The following VRK1 variants were observed in gnomAD, a reference collection of about 807,000 sequenced individuals.
VRK1 encodes the protein VRK serine/threonine kinase 1, also known as serine/threonine-protein kinase VRK1.
Under a neutral mutation model 57.1 loss-of-function variants are expected in VRK1, and 33 were observed. That is an observed-to-expected ratio of 0.58 (90% CI 0.44 to 0.77). The LOEUF is 0.77. Among genes scored for constraint, VRK1 ranks in the 30% least tolerant of loss-of-function variants. VRK1 has a pLI of 0.00. For missense variants in VRK1, 413 were observed against 477.3 expected (o/e 0.87, Z 1.25); for synonymous variants, 137 against 147.8 (o/e 0.93, Z 0.53).
intron 1 of VRK1, among the ~76,000 whole-genome samples, chr14:96,826,696 A>G (rs1886811546): frequency 1.3e-5 from 2 of 152,374 alleles, no homozygotes; most frequent in South Asian, 4.1e-4. Flanking sequence ...GAAGAAACCT[A>G]TAATGTACTA....
chr14:96,824,520 G>A (rs546548063), intron 1 of VRK1, among the ~76,000 whole-genome samples: 4 of 152,086 alleles, frequency 2.6e-5, no homozygotes, highest in Non-Finnish European at 5.9e-5. Flanking sequence ...TCATGAAGGC[G>A]GATCTCGGAG....
intron 1 of VRK1, among the ~76,000 whole-genome samples, chr14:96,806,931 A>G (rs1403497341): frequency 1.3e-5 from 2 of 150,626 alleles, no homozygotes; most frequent in Non-Finnish European, 2.9e-5. Context: ...GGAGCAAATG[A>G]TCCTCCTCCT....
At chr14:96,820,635 A>G (rs1886564775) in intron 1 of VRK1, among the ~76,000 whole-genome samples, 1 of 152,238 alleles carries the variant, frequency 6.6e-6, no homozygotes, top group Non-Finnish European at 1.5e-5. Flanking sequence ...AATAAACAAA[A>G]TAAACAGCAA....
intron 11 of VRK1, chr14:96,860,966 G>T: frequency 5.6e-6 from 2 of 354,532 alleles, no homozygotes; most frequent in South Asian, 4.4e-5. Flanking sequence ...ATTTTAACTT[G>T]GAATACTGAT....
intron 11 of VRK1, among the ~76,000 whole-genome samples, chr14:96,861,484 T>C (rs889283926): frequency 6.6e-6 from 1 of 152,026 alleles, no homozygotes; most frequent in Admixed American, 6.6e-5. Flanking sequence ...AGAAGAAAAA[T>C]TTTTTTTACA....
intron 4 of VRK1, among the ~76,000 whole-genome samples, chr14:96,846,688 A>G (rs1693888841): frequency 6.6e-6 from 1 of 151,508 alleles, no homozygotes; most frequent in African/African-American, 2.4e-5. Flanking sequence ...CTCAGACTCA[A>G]CCAACCAGGG....
At chr14:96,803,387 T>G (rs1885744853) in intron 1 of VRK1, among the ~76,000 whole-genome samples, 1 of 152,004 alleles carries the variant, frequency 6.6e-6, no homozygotes, top group Non-Finnish European at 1.5e-5. Flanking sequence ...GCCAGGCTGG[T>G]CTCGAACTCC....
At chr14:96,877,922 A>T (rs551947618) in intron 12 of VRK1, among the ~76,000 whole-genome samples, 1 of 152,178 alleles carries the variant, frequency 6.6e-6, no homozygotes, top group African/African-American at 2.4e-5. Context: ...ATGAGAAAAT[A>T]TATCAGTATT....
chr14:96,830,617 GTTTTC>G (rs1886967214), intron 1 of VRK1, among the ~76,000 whole-genome samples: 1 of 152,058 alleles, frequency 6.6e-6, no homozygotes, highest in African/African-American at 2.4e-5. Flanking sequence ...TGGGAGGCAT[GTTTTC>G]TTATGTACTT....
At chr14:96,811,015 C>T (rs781756545) in intron 1 of VRK1, among the ~76,000 whole-genome samples, 9 of 151,980 alleles carry the variant, frequency 5.9e-5, no homozygotes, top group East Asian at 1.9e-4. Context: ...CTGCAACCTC[C>T]GCCTCCTGGG....
At chr14:96,841,762 G>T (rs1255655782) in intron 3 of VRK1, among the ~76,000 whole-genome samples, 1 of 151,804 alleles carries the variant, frequency 6.6e-6, no homozygotes, top group African/African-American at 2.4e-5. Flanking sequence ...TTGAAACTGG[G>T]AGGCAGAGGT....
intron 1 of VRK1, among the ~76,000 whole-genome samples, chr14:96,802,112 T>C (rs763859609): frequency 9.2e-5 from 14 of 152,196 alleles, no homozygotes; most frequent in Non-Finnish European, 2.1e-4. Context: ...TTGCAGAAAA[T>C]ACTTTAGAAA....
At chr14:96,806,199 C>G (rs1033496137) in intron 1 of VRK1, among the ~76,000 whole-genome samples, 6 of 152,054 alleles carry the variant, frequency 3.9e-5, no homozygotes, top group Non-Finnish European at 5.9e-5. Context: ...GATTCCCAGT[C>G]GGGGATGTTC....
At chr14:96,868,970 T>C (rs1347259507) in intron 11 of VRK1, among the ~76,000 whole-genome samples, 2 of 152,004 alleles carry the variant, frequency 1.3e-5, no homozygotes, top group African/African-American at 4.8e-5. Context: ...TAATTTTGCA[T>C]TTTTAGTAGA....
At chr14:96,851,150 T>G (rs1436840143) in intron 5 of VRK1, among the ~76,000 whole-genome samples, 2 of 152,250 alleles carry the variant, frequency 1.3e-5, no homozygotes, top group Admixed American at 1.3e-4. Context: ...ATTTTTTTTT[T>G]TTTTTAATTG....
rs781693457 is a variant in VRK1, at chr14:96,856,122, A to G, written c.710-8A>G. ...AGTCTACCTAATGTTCTTCTCTTGC[A>G]TTTGTAGCCCCATCAAGACGTGGTG... On this transcript the variant is annotated splice_polypyrimidine_tract_variant and splice_region_variant and intron_variant, in intron 8 of 12. Transcript: ENST00000216639. 1.9e-6 allele frequency: 3 copies of G among 1,613,568 alleles called. No individual in the cohort carries two copies. The highest frequency in any genetic ancestry group is 1.3e-5 in the African/African-American group (1 of 75,036).
At chr14:96,811,744 C>G (rs543008890) in intron 1 of VRK1, among the ~76,000 whole-genome samples, 1 of 149,876 alleles carries the variant, frequency 6.7e-6, no homozygotes, top group East Asian at 1.9e-4. Flanking sequence ...CTTTGTTATC[C>G]TTGCTATCAC....
At chr14:96,862,088 A>G (rs1395604461) in intron 11 of VRK1, among the ~76,000 whole-genome samples, 2 of 110,698 alleles carry the variant, frequency 1.8e-5, no homozygotes, top group Non-Finnish European at 1.9e-5. Flanking sequence ...CCCAACCCCC[A>G]TCCCCCTGTC....
chr14:96,856,779 T>C (rs995523033), intron 10 of VRK1, among the ~76,000 whole-genome samples, 193 bp downstream of exon 10: 5 of 152,100 alleles, frequency 3.3e-5, no homozygotes, highest in Admixed American at 1.3e-4. Flanking sequence ...CCATCCTGGC[T>C]AACATGGTGA....
Sources: gnomAD v4.1 joint callset for allele counts (sites outside exome capture counted in the v4.1 genomes callset) on GRCh38, gnomAD v4.1.1 for gene constraint, MANE v1.5 for transcripts, NCBI Gene and HGNC (gene_info 2026-07-23, HGNC 2026-07-21) for gene names.